The following FARS2 variants were observed in gnomAD, a reference collection of about 807,000 sequenced individuals.
FARS2 encodes phenylalanyl-tRNA synthetase 2, mitochondrial, also known as phenylalanine--tRNA ligase, mitochondrial.
A neutral mutation model predicts 46.4 loss-of-function variants in FARS2; 40 were observed. That is an observed-to-expected ratio of 0.86 (90% confidence interval 0.67 to 1.12). FARS2 has a LOEUF of 1.12. Ranked by LOEUF, FARS2 falls within the 50% of genes most tolerant of loss-of-function variation. The pLI is 0.00. For missense variants in FARS2, 513 were observed against 567.9 expected (o/e 0.90, Z 0.98); for synonymous variants, 234 against 214.9 (o/e 1.09, Z -0.78).
At chr6:5,771,209 T>C in intron 6 of FARS2, 82 bp from the exon 7 acceptor site, 1 of 1,541,686 alleles carries the variant, frequency 6.5e-7, no homozygotes. Context: ...GTTGGGGAGA[T>C]CTGGCCAGGG....
chr6:5,723,690 G>T (rs1236068002), intron 6 of FARS2, among the ~76,000 whole-genome samples: 3 of 152,210 alleles, frequency 2.0e-5, no homozygotes, highest in South Asian at 2.1e-4. Context: ...TGAGGAAAAG[G>T]TTGTTGAATC....
At chr6:5,434,699 C>T (rs192421508) in intron 4 of FARS2, among the ~76,000 whole-genome samples, 1 of 152,246 alleles carries the variant, frequency 6.6e-6, no homozygotes, top group East Asian at 1.9e-4. Flanking sequence ...TTATCCCACT[C>T]GTGCAGTTCC....
intron 2 of FARS2, among the ~76,000 whole-genome samples, chr6:5,396,771 C>T (rs1291377081): frequency 6.6e-6 from 1 of 152,202 alleles, no homozygotes; most frequent in Admixed American, 6.5e-5. Flanking sequence ...GCGATCAGGC[C>T]TCTTGGTAGT....
chr6:5,688,669 T>G (rs1160254582), intron 6 of FARS2, among the ~76,000 whole-genome samples: 2 of 152,204 alleles, frequency 1.3e-5, no homozygotes, highest in Non-Finnish European at 2.9e-5. Context: ...TCTCTTTTTT[T>G]GTTGTGTCTC....
chr6:5,507,537 C>T (rs1450615515), intron 4 of FARS2, among the ~76,000 whole-genome samples: 1 of 152,186 alleles, frequency 6.6e-6, no homozygotes, highest in Non-Finnish European at 1.5e-5. Flanking sequence ...AGTCCCCTGA[C>T]AGGAGTGTGT....
chr6:5,260,117 C>T (rs1469234369), upstream of FARS2, among the ~76,000 whole-genome samples: 1 of 152,084 alleles, frequency 6.6e-6, no homozygotes, highest in Non-Finnish European at 1.5e-5. Context: ...TTTCCTTTTC[C>T]GCTACGCATT....
chr6:5,369,257 G>A (rs887507989), intron 2 of FARS2, 75 bp downstream of exon 2: 5 of 1,425,948 alleles, frequency 3.5e-6, no homozygotes, highest in Admixed American at 1.9e-5. Flanking sequence ...CATTTAGCTC[G>A]ATGAGACCAG....
rs1222443930 is a variant in FARS2, at chr6:5,521,111, T to C, written c.905-24069T>C. Among the ~76,000 whole-genome samples, 6 of 148,686 alleles carry C rather than the reference T, an allele frequency of 4.0e-5. No homozygotes were observed. In the Admixed American group the frequency reaches 4.1e-4, roughly 10 times the overall value. On this transcript the variant is annotated intron_variant, in intron 4 of 6. Coordinates refer to ENST00000274680, the MANE Select transcript of FARS2 (RefSeq NM_006567.5). The stretch of plus-strand genomic sequence containing the variant: ...GAAATCCTTCGTTTCCCTTTTAAAT[T>C]ATTTTTTTTATTTATATTTTGTTTC...
At chr6:5,306,454 T>C (rs1768708940) in intron 1 of FARS2, among the ~76,000 whole-genome samples, 1 of 152,320 alleles carries the variant, frequency 6.6e-6, no homozygotes, top group South Asian at 2.1e-4. Context: ...TTGAGGCCCC[T>C]TGAAATTGAT....
intron 6 of FARS2, among the ~76,000 whole-genome samples, chr6:5,657,436 A>G (rs1373135701): frequency 2.6e-5 from 4 of 152,228 alleles, no homozygotes; most frequent in African/African-American, 9.7e-5. Context: ...ATGGAAGATC[A>G]GATGCGGGAA....
At chr6:5,364,384 A>G (rs1392988879) in intron 1 of FARS2, among the ~76,000 whole-genome samples, 2 of 152,176 alleles carry the variant, frequency 1.3e-5, no homozygotes, top group African/African-American at 4.8e-5. Flanking sequence ...AGTCTGGCCT[A>G]TTGCCCATTA....
intron 1 of FARS2, among the ~76,000 whole-genome samples, chr6:5,363,340 T>C (rs919466301): frequency 6.6e-6 from 1 of 152,208 alleles, no homozygotes; most frequent in Non-Finnish European, 1.5e-5. Context: ...TTTTTCCCAT[T>C]CTGTGAGTTG....
intron 4 of FARS2, among the ~76,000 whole-genome samples, chr6:5,521,979 CCATTCAGAGGTTATG>C (rs1437010935): frequency 1.3e-5 from 2 of 152,056 alleles, no homozygotes; most frequent in African/African-American, 4.8e-5. Context: ...GAGTTTGGTC[CCATTCAGAGGTTATG>C]TAACTCTTTG....
intron 6 of FARS2, among the ~76,000 whole-genome samples, chr6:5,633,155 G>C (rs544556721): frequency 6.7e-6 from 1 of 148,614 alleles, no homozygotes; most frequent in South Asian, 2.2e-4. Flanking sequence ...TTAGAGACAA[G>C]ATCTCACTAT....
chr6:5,294,311 C>T (rs1277696023), intron 1 of FARS2, among the ~76,000 whole-genome samples: 2 of 152,048 alleles, frequency 1.3e-5, no homozygotes, highest in African/African-American at 4.8e-5. Context: ...GAGTAGAGGA[C>T]AAAGAATGGA....
intron 6 of FARS2, among the ~76,000 whole-genome samples, chr6:5,688,094 T>C (rs1020193243): frequency 2.6e-5 from 4 of 152,230 alleles, no homozygotes; most frequent in African/African-American, 9.6e-5. Flanking sequence ...CTTAAGGAGA[T>C]TTTGGGCTGA....
At chr6:5,575,218 A>C (rs1281922731) in intron 5 of FARS2, among the ~76,000 whole-genome samples, 1 of 152,222 alleles carries the variant, frequency 6.6e-6, no homozygotes, top group African/African-American at 2.4e-5. Context: ...TGTGGCACTT[A>C]ATCGAAATAA....
At chr6:5,395,084 T>C (rs1760818230) in intron 2 of FARS2, among the ~76,000 whole-genome samples, 1 of 152,152 alleles carries the variant, frequency 6.6e-6, no homozygotes, top group African/African-American at 2.4e-5. Context: ...AGAGTCTCGC[T>C]CTGTCACCCA....
intron 6 of FARS2, chr6:5,665,358 A>G (rs1778061515): frequency 6.6e-6 from 1 of 152,388 alleles, no homozygotes; most frequent in African/African-American, 2.4e-5. Context: ...TCACAGCTGC[A>G]AGAATGCTGG....
Sources: allele counts gnomAD v4.1 joint callset (sites outside exome capture counted in the v4.1 genomes callset), GRCh38; gene constraint gnomAD v4.1.1; transcripts MANE v1.5; gene names NCBI Gene and HGNC (gene_info 2026-07-23, HGNC 2026-07-21).